PTK2: variants seen among roughly 807,000 people sequenced by gnomAD.
The protein encoded by PTK2 is protein tyrosine kinase 2.
In PTK2, 45 loss-of-function variants were observed where a neutral mutation model predicts 150.1. That is an observed-to-expected ratio of 0.30 (90% CI 0.24 to 0.38). The LOEUF is 0.38. Among genes scored for constraint, PTK2 ranks in the 10% least tolerant of loss-of-function variants. The probability of loss-of-function intolerance (pLI) is 1.00; values close to 1 mark genes in which losing one functional copy is unlikely to be tolerated. For synonymous variants in PTK2, 432 were observed against 449.2 expected, an observed-to-expected ratio of 0.96 and a Z score of 0.48; for missense variants, 919 against 1,307.3, an observed-to-expected ratio of 0.70 and a Z score of 4.58.
chr8:140,764,158 G>GT, intron 15 of PTK2, 76 bp downstream of exon 17: 1 of 1,184,922 alleles, frequency 8.4e-7, no homozygotes, highest in Non-Finnish European at 1.3e-6. Context: ...TAAAAAGACA[G>GT]TAAGTATCAA....
In PTK2 at chr8:140,728,611, T is replaced by C. The variant is rs564770307; in HGVS notation, c.2030+6640A>G. 2.6e-5 allele frequency among the ~76,000 whole-genome samples: 4 copies of C among 152,302 alleles called. No homozygotes were observed. The South Asian group carries it at 8.3e-4, about 32-fold the overall frequency. On this transcript the variant is annotated intron_variant, in intron 22 of 31. Transcript: ENST00000522684. The stretch of plus-strand genomic sequence containing the variant: ...TCGGCTCACTGCAACCTCTGCCTCC[T>C]GGGTTCATGCGATTCTCCTGCCTTA...
rs1043490718 is a variant in PTK2, at chr8:140,820,169, G to T, written c.649-1149C>A. 4.6e-4 allele frequency among the ~76,000 whole-genome samples: 60 copies of T among 130,458 alleles called. 1 individual carries two copies. The highest frequency in any genetic ancestry group is 1.7e-3 in the African/African-American group (59 of 34,132). 85.6% of individuals were successfully genotyped at this position (130,458 alleles called of 152,430 possible). On this transcript the variant is annotated intron_variant, in intron 8 of 31. Transcript: ENST00000522684. The stretch of plus-strand genomic sequence containing the variant: ...GACTGGAGTGCGGTGGCGCAACCTC[G>T]GCTCACTGCAACCTCTGCCTCCCAG...
chr8:140,783,575 A>G (rs1014582555), intron 14 of PTK2, among the ~76,000 whole-genome samples: 3 of 152,222 alleles, frequency 2.0e-5, no homozygotes, highest in Admixed American at 2.0e-4. Flanking sequence ...AAAATGCAGT[A>G]ATTATTATAG....
chr8:140,999,478 A>G (rs2154610477), intron 1 of PTK2, among the ~76,000 whole-genome samples: 1 of 152,378 alleles, frequency 6.6e-6, no homozygotes, highest in Non-Finnish European at 1.5e-5. Flanking sequence ...CCACAAATAC[A>G]AAACACAAAG....
intron 1 of PTK2, among the ~76,000 whole-genome samples, chr8:140,986,366 C>T (rs2100193246): frequency 6.6e-6 from 1 of 152,146 alleles, no homozygotes; most frequent in Non-Finnish European, 1.5e-5. Context: ...TTTGGTCCAA[C>T]CCTCCTTCTG....
intron 1 of PTK2, among the ~76,000 whole-genome samples, chr8:140,956,996 G>T: frequency 6.6e-6 from 1 of 152,144 alleles, no homozygotes; most frequent in East Asian, 1.9e-4. Context: ...AGGAGGCAGA[G>T]GTTGCAGTGA....
intron 1 of PTK2, among the ~76,000 whole-genome samples, chr8:140,949,049 A>C (rs2100178627): frequency 6.6e-6 from 1 of 151,416 alleles, no homozygotes; most frequent in African/African-American, 2.4e-5. Flanking sequence ...CCTCCTCCTC[A>C]GCCTACTCAA....
chr8:140,848,252 C>T (rs2100126881), intron 5 of PTK2, among the ~76,000 whole-genome samples: 3 of 152,150 alleles, frequency 2.0e-5, no homozygotes, highest in African/African-American at 7.2e-5. Context: ...TTTAACCTAC[C>T]AGGAATTTAT....
At chr8:140,957,180 T>A (rs1299395934) in intron 1 of PTK2, among the ~76,000 whole-genome samples, 3 of 152,166 alleles carry the variant, frequency 2.0e-5, no homozygotes, top group Non-Finnish European at 4.4e-5. Flanking sequence ...GCTTCTATCA[T>A]CTTGGCACTT....
At chr8:140,786,280 C>T (rs907279429) in intron 14 of PTK2, among the ~76,000 whole-genome samples, 5 of 152,198 alleles carry the variant, frequency 3.3e-5, no homozygotes, top group South Asian at 2.1e-4. Flanking sequence ...ACACTGAACA[C>T]GCTTACTGTG....
chr8:140,782,254 T>TTTGG (rs567880304), intron 14 of PTK2, among the ~76,000 whole-genome samples: 88 of 138,130 alleles, frequency 6.4e-4, no homozygotes, highest in African/African-American at 2.3e-3. Flanking sequence ...TTTTTTTTTT[T>TTTGG]GGGGGGGGGG....
intron 2 of PTK2, chr8:140,921,309 A>G (rs1187574138): frequency 3.5e-5 from 7 of 198,232 alleles, no homozygotes; most frequent in Non-Finnish European, 7.0e-5. Context: ...TGCTAATCTC[A>G]CCCTTCTGTT....
At chr8:140,914,725 C>G (rs1262936257) in intron 2 of PTK2, among the ~76,000 whole-genome samples, 1 of 152,026 alleles carries the variant, frequency 6.6e-6, no homozygotes, top group Non-Finnish European at 1.5e-5. Context: ...AGATTTAATT[C>G]ATTTATCCGT....
intron 5 of PTK2, among the ~76,000 whole-genome samples, chr8:140,855,856 G>GTGCAATATTGTGCATATTATGCAATATT (rs2100132249): frequency 6.6e-6 from 1 of 152,046 alleles, no homozygotes; most frequent in African/African-American, 2.4e-5. Context: ...TGGTGGGGAT[G>GTGCAATATTGTGCATATTATGCAATATT]GTTGTGCAAT....
chr8:140,858,426 G>GA (rs923460874), intron 5 of PTK2, among the ~76,000 whole-genome samples: 3,223 of 121,516 alleles, frequency 0.027, 115 homozygotes, highest in African/African-American at 0.088. Flanking sequence ...AGCAAGGGCA[G>GA]AAAAAAAAAA....
chr8:140,686,837 C>G (rs2153720974), intron 26 of PTK2, 143 bp from the exon 30 acceptor site: 1 of 720,374 alleles, frequency 1.4e-6, no homozygotes, highest in African/African-American at 1.8e-5. Flanking sequence ...AAAAAAATTC[C>G]AGTGATGATA....
chr8:140,758,879 G>A (rs939669573), intron 16 of PTK2, among the ~76,000 whole-genome samples: 4 of 152,056 alleles, frequency 2.6e-5, no homozygotes, highest in African/African-American at 9.7e-5. Flanking sequence ...CTATATGAGT[G>A]TACCGTTATT....
chr8:140,718,829 A>C (rs974481956), intron 22 of PTK2: 13 of 152,234 alleles, frequency 8.5e-5, no homozygotes, highest in Non-Finnish European at 1.6e-4. Flanking sequence ...CCATCACTAC[A>C]GATGTTAAGA....
chr8:140,775,637 C>G (rs2100077977), intron 14 of PTK2, among the ~76,000 whole-genome samples: 1 of 152,106 alleles, frequency 6.6e-6, no homozygotes, highest in Non-Finnish European at 1.5e-5. Context: ...AGCCACCATA[C>G]CAGGCCCTTG....
Sources: gnomAD v4.1 joint callset for allele counts (sites outside exome capture counted in the v4.1 genomes callset) on GRCh38, gnomAD v4.1.1 for gene constraint, MANE v1.5 for transcripts, NCBI Gene and HGNC (gene_info 2026-07-23, HGNC 2026-07-21) for gene names.